Variants in VWA8 observed in about 807,000 individuals in gnomAD.
VWA8 encodes von Willebrand factor A domain containing 8.
VWA8 carries 221 observed loss-of-function variants against 241.5 expected under a neutral mutation model. The observed-to-expected ratio is 0.91, with a 90% confidence interval of 0.82 to 1.02. The LOEUF is 1.02. Among genes scored for constraint, VWA8 ranks in the 50% least tolerant of loss-of-function variants. The pLI is 0.00. For missense variants in VWA8, 2,322 were observed against 2,328.7 expected (o/e 1.00, Z 0.06); for synonymous variants, 852 against 827.1 (o/e 1.03, Z -0.52).
intron 16 of VWA8, 97 bp downstream of exon 16, chr13:41,816,601 C>T (rs1376976200): frequency 4.1e-6 from 5 of 1,205,050 alleles, no homozygotes; most frequent in East Asian, 4.8e-5. Context: ...AAATAAAATA[C>T]CAGCTTAAAA....
chr13:41,702,671 G>C (rs9562339), intron 27 of VWA8, among the ~76,000 whole-genome samples: 8,602 of 152,284 alleles, frequency 0.056, 285 homozygotes, highest in East Asian at 0.12. Flanking sequence ...TTGAGTGGTT[G>C]CAACAGAATC....
chr13:41,711,868 T>C (rs1038074554), intron 26 of VWA8, among the ~76,000 whole-genome samples: 3 of 151,198 alleles, frequency 2.0e-5, no homozygotes, highest in Non-Finnish European at 2.9e-5. Flanking sequence ...AGCGAGACTC[T>C]GTCTCAAACA....
chr13:41,919,620 G>A (rs1876418829), intron 2 of VWA8, among the ~76,000 whole-genome samples: 1 of 152,030 alleles, frequency 6.6e-6, no homozygotes, highest in African/African-American at 2.4e-5. Context: ...TTACCCTGAA[G>A]CTGCTCCATC....
intron 16 of VWA8, among the ~76,000 whole-genome samples, chr13:41,813,157 G>A (rs958250469): frequency 6.6e-6 from 1 of 152,158 alleles, no homozygotes; most frequent in Admixed American, 6.6e-5. Context: ...ATTCTGCTAT[G>A]TGTAAAGTCG....
chr13:41,884,890 TATACATACATACATAC>T (rs10544998), intron 8 of VWA8, among the ~76,000 whole-genome samples: 176 of 150,046 alleles, frequency 1.2e-3, no homozygotes, highest in Middle Eastern at 3.4e-3. Flanking sequence ...AACATACATA[TATACATACATACATAC>T]ATACATACAT....
In VWA8 at chr13:41,864,119, G is replaced by A. The variant is rs60983103; in HGVS notation, c.1425+1617C>T. Among the ~76,000 whole-genome samples the A allele has an allele frequency of 9.2e-3, 1,365 of 148,894 alleles. 33 individuals are homozygous for A. The highest frequency in any genetic ancestry group is 0.03 in the African/African-American group (1,222 of 40,148). On this transcript the variant is annotated intron_variant, in intron 12 of 44. Coordinates refer to ENST00000379310, the MANE Select transcript of VWA8 (RefSeq NM_015058.2). ...CAAAACCACAGTGAATTACCACTTC[G>A]CAGCCATTAGGATGATGATTATAAA...
Position 41,703,357 on chromosome 13 carries a change from T to G in VWA8, c.3171A>C (p.Arg1057Ser), listed in dbSNP as rs1382302352. 8 of 1,614,004 alleles carry G rather than the reference T, an allele frequency of 5.0e-6. No homozygotes were observed. The highest frequency in any genetic ancestry group is 6.8e-6 in the Non-Finnish European group (8 of 1,179,984). Residue 1057 changes from arginine to serine, a missense_variant, in exon 27 of 45, where the codon AGA becomes AGC. Transcript: ENST00000379310. ...GACACAAGAGTTTTTGCATCCCACT[T>G]CTTGCCTGACCAATTGTCCAGTAGC... is the stretch of plus-strand genomic sequence containing the variant. Reference protein sequence around the residue: ...FMGYWTIGQARSGMQKLLCPV... With the variant: ...FMGYWTIGQASSGMQKLLCPV...
At chr13:41,926,548 G>T in intron 2 of VWA8, 2 of 544,560 alleles carry the variant, frequency 3.7e-6, no homozygotes, top group South Asian at 1.4e-5. Context: ...GCCAGTTCCA[G>T]AATGAAGGGA....
At chr13:41,614,613 C>A (rs2044609583) in intron 38 of VWA8, among the ~76,000 whole-genome samples, 1 of 152,218 alleles carries the variant, frequency 6.6e-6, no homozygotes, top group Non-Finnish European at 1.5e-5. Context: ...GGGATTAACA[C>A]TTTAGTGAAA....
At chr13:41,652,866 C>T (rs1487758508) in intron 37 of VWA8, among the ~76,000 whole-genome samples, 1 of 152,158 alleles carries the variant, frequency 6.6e-6, no homozygotes, top group African/African-American at 2.4e-5. Context: ...TATATTACAA[C>T]TTCCAAATAT....
rs2045390235 is a variant in VWA8 at position 41,721,470 on chromosome 13, A to C, written c.2864T>G (p.Leu955Arg). The change falls in exon 25 of 45, where the codon CTT (leucine) becomes CGT (arginine). Residue 955 changes from leucine (L) to arginine (R), a missense_variant. Transcript: ENST00000379310. ...CCTCAGCTCTCCAAAGGCAGCCACA[A>C]GCTTCTGAAGGATGGGCTCAGGCAC... The part of the protein sequence containing the change: ...PNVPEPILQK[L>R]VAAFGELRSL... The C allele has an allele frequency of 6.2e-7, 1 of 1,613,918 alleles. No homozygotes were observed. Among genetic ancestry groups the C allele is most frequent in the Non-Finnish European group, 8.5e-7 (1 of 1,179,864 alleles).
intron 31 of VWA8, 44 bp from the exon 32 acceptor site, chr13:41,691,489 A>G: frequency 6.2e-7 from 1 of 1,603,188 alleles, no homozygotes; most frequent in Middle Eastern, 1.7e-4. Flanking sequence ...TGGTGAGGAT[A>G]ATGGTTGAGT....
intron 40 of VWA8, among the ~76,000 whole-genome samples, chr13:41,602,634 T>A (rs184965867): frequency 6.6e-6 from 1 of 152,154 alleles, no homozygotes; most frequent in African/African-American, 2.4e-5. Context: ...TCTTAGCAAG[T>A]ACAATGAAGG....
At chr13:41,619,573 T>G (rs188333901) in intron 37 of VWA8, among the ~76,000 whole-genome samples, 1,900 of 152,310 alleles carry the variant, frequency 0.012, 26 homozygotes, top group Admixed American at 0.024. Flanking sequence ...TGCTTCCAGT[T>G]TTTGCCCATT....
At chr13:41,818,805 A>G (rs1261508573) in intron 15 of VWA8, among the ~76,000 whole-genome samples, 1 of 152,174 alleles carries the variant, frequency 6.6e-6, no homozygotes, top group South Asian at 2.1e-4. Context: ...AGGAACTTAA[A>G]ATAGTCACTT....
chr13:41,939,743 G>A (rs1197555018), intron 2 of VWA8, among the ~76,000 whole-genome samples: 1 of 152,182 alleles, frequency 6.6e-6, no homozygotes, highest in Non-Finnish European at 1.5e-5. Context: ...TTCCAGCTAA[G>A]AATATTTCTA....
At chr13:41,617,571 T>A (rs184823526) in intron 37 of VWA8, among the ~76,000 whole-genome samples, 11 of 152,198 alleles carry the variant, frequency 7.2e-5, no homozygotes, top group Admixed American at 1.3e-4. Context: ...ACACATGCCA[T>A]GTTGGTTTGC....
chr13:41,658,577 C>T (rs745486046), intron 37 of VWA8, among the ~76,000 whole-genome samples: 4 of 152,212 alleles, frequency 2.6e-5, no homozygotes, highest in Non-Finnish European at 5.9e-5. Context: ...AGTGATCTGC[C>T]TTTTTGCCAG....
chr13:41,666,252 A>T (rs1033645279), intron 37 of VWA8, among the ~76,000 whole-genome samples: 1 of 152,118 alleles, frequency 6.6e-6, no homozygotes, highest in African/African-American at 2.4e-5. Context: ...TTCTTTACTC[A>T]AACCAAATTT....
Sources: allele counts gnomAD v4.1 joint callset (sites outside exome capture counted in the v4.1 genomes callset), GRCh38; gene constraint gnomAD v4.1.1; transcripts MANE v1.5; gene names NCBI Gene and HGNC (gene_info 2026-07-23, HGNC 2026-07-21).